Variants in MTSS1 observed in about 807,000 individuals in gnomAD.
MTSS1 encodes protein MTSS 1.
Under a neutral mutation model 79.0 loss-of-function variants are expected in MTSS1, and 18 were observed. The observed-to-expected ratio is 0.23, with a 90% CI of 0.16 to 0.34. The LOEUF (loss-of-function observed/expected upper bound fraction) is 0.34, where lower values mean the gene tolerates loss of function less well. Among genes scored for constraint, MTSS1 ranks in the 10% least tolerant of loss-of-function variants. MTSS1 has a pLI of 1.00. For synonymous variants in MTSS1, 341 were observed against 368.6 expected, an observed-to-expected ratio of 0.93 and a Z score of 0.86; for missense variants, 815 against 986.2, an observed-to-expected ratio of 0.83 and a Z score of 2.33.
rs1822564348 is a variant in MTSS1 at position 124,551,776 on chromosome 8, G to A, written c.*1216C>T. 1 of 152,424 alleles carries A rather than the reference G, an allele frequency of 6.6e-6. No homozygotes were observed. The highest frequency in any genetic ancestry group is 1.5e-5 in the Non-Finnish European group (1 of 68,042). The allele number at this position is 152,424 out of a possible 1,614,324, so 9.4% of individuals were successfully genotyped here. On this transcript the variant is annotated 3_prime_UTR_variant, in exon 14 of 14. Coordinates refer to ENST00000518547, the MANE Select transcript of MTSS1 (RefSeq NM_014751.6). ...TTACCCAGAATACAAAAAAAGGACA[G>A]TATAGTGGTCAGATTCCCAGTGACA...
At chr8:124,695,682 A>C (rs921790305) in intron 3 of MTSS1, among the ~76,000 whole-genome samples, 25 of 152,248 alleles carry the variant, frequency 1.6e-4, no homozygotes, top group African/African-American at 5.8e-4. Context: ...ACAGTGCTAC[A>C]TTCAGAAATT....
At chr8:124,717,177 C>A (rs141008873) in intron 1 of MTSS1, among the ~76,000 whole-genome samples, 1 of 152,100 alleles carries the variant, frequency 6.6e-6, no homozygotes, top group East Asian at 1.9e-4. Flanking sequence ...CTGCGAGGCC[C>A]GCCCCTAACC....
Position 124,567,784 on chromosome 8 carries a change from C to T in MTSS1, c.618+595G>A, listed in dbSNP as rs770790304. The T allele has an allele frequency of 1.6e-4, 247 of 1,528,908 alleles. 1 individual carries two copies. Among genetic ancestry groups the T allele is most frequent in the Non-Finnish European group, 2.0e-4 (224 of 1,143,406 alleles). The allele number at this position is 1,528,908 out of a possible 1,614,324, so 94.7% of individuals were successfully genotyped here. A position where few individuals can be genotyped will look rare whatever the true frequency, so the allele number is the denominator to read the frequency against. The stretch of plus-strand genomic sequence containing the variant: ...AAAAGTTCTGTGCTCAGGGGAACAA[C>T]TCAAATTCAGACATTTTGCTAGGGC... On this transcript the variant is annotated intron_variant, in intron 7 of 13. Transcript: ENST00000518547.
intron 3 of MTSS1, among the ~76,000 whole-genome samples, chr8:124,615,413 G>A (rs1190924786): frequency 6.6e-6 from 1 of 152,204 alleles, no homozygotes; most frequent in African/African-American, 2.4e-5. Flanking sequence ...TCCTGACACA[G>A]GCTCCAACAC....
At position 124,614,544 on chromosome 8, in the gene MTSS1, G is replaced by A. The variant is rs567083235; in HGVS notation, c.209-23309C>T. Among the ~76,000 whole-genome samples, 9 of 152,320 alleles carry A rather than the reference G, an allele frequency of 5.9e-5. No homozygotes were observed. In the East Asian group the frequency reaches 1.7e-3, roughly 29 times the overall value. On this transcript the variant is annotated intron_variant, in intron 3 of 13. Coordinates refer to ENST00000518547, the MANE Select transcript of MTSS1 (RefSeq NM_014751.6). The stretch of plus-strand genomic sequence containing the variant: ...GCAAAGGCCAACTTCACAAAGAGGC[G>A]CAGGATCCAGAAGACTATGCTTCAG...
intron 1 of MTSS1, among the ~76,000 whole-genome samples, chr8:124,726,728 C>T (rs762740384): frequency 4.1e-4 from 62 of 152,188 alleles, no homozygotes; most frequent in Admixed American, 2.1e-3. Context: ...GCCCAGGCAG[C>T]GGCTGAAGAG....
chr8:124,591,181 C>A lies in MTSS1; in HGVS notation c.263G>T (p.Ser88Ile). 1 of 1,614,252 alleles carries A rather than the reference C, an allele frequency of 6.2e-7. No individual in the cohort carries two copies. ...ALTRMCMRHR[S>I]IEAKLRQFSS... ...AAACTGCCTCAGCTTGGCTTCAATG[C>A]TTCTGTGCCTCATGCACATCCTGGT... The change falls in exon 4 of 14, where the codon AGC (serine) becomes ATC (isoleucine). Residue 88 changes from serine (S) to isoleucine (I), a missense_variant. Around this residue, in one of 2 missense-constraint regions of MTSS1, gnomAD observed 225 missense variants for 365.4 expected, o/e 0.62. Transcript: ENST00000518547.
At chr8:124,612,252 G>A (rs911797450) in intron 3 of MTSS1, among the ~76,000 whole-genome samples, 1 of 152,162 alleles carries the variant, frequency 6.6e-6, no homozygotes, top group African/African-American at 2.4e-5. Context: ...ACAAAGAGTG[G>A]GGCAATGGCA....
intron 3 of MTSS1, among the ~76,000 whole-genome samples, chr8:124,672,757 C>T (rs1191039853): frequency 3.3e-5 from 5 of 152,104 alleles, no homozygotes; most frequent in East Asian, 1.9e-4. Flanking sequence ...CTGCAGTGAG[C>T]TGAGATTGTG....
rs1563762018 is a variant in MTSS1, at chr8:124,565,944, C to CT, written c.727-186dup. 3 of 444,338 alleles carry CT rather than the reference C, an allele frequency of 6.8e-6. No individual in the cohort carries two copies. The South Asian group carries it at 1.3e-4, about 19-fold the overall frequency. 27.5% of individuals were successfully genotyped at this position (444,338 alleles called of 1,614,324 possible). A position where few individuals can be genotyped will look rare whatever the true frequency, so the allele number is the denominator to read the frequency against. ...TACCAAATCCATCAATATCATAATC[C>CT]TTTTACTGAGAAAGTAAAACTATAA... On this transcript the variant is annotated intron_variant, in intron 8 of 13. Coordinates refer to ENST00000518547, the MANE Select transcript of MTSS1 (RefSeq NM_014751.6).
At chr8:124,642,237 C>T (rs909850251) in intron 3 of MTSS1, among the ~76,000 whole-genome samples, 3 of 152,116 alleles carry the variant, frequency 2.0e-5, no homozygotes, top group Non-Finnish European at 2.9e-5. Context: ...AAATTGAAGG[C>T]TTTTTTTAAT....
chr8:124,722,792 G>A (rs1833137205), intron 1 of MTSS1, among the ~76,000 whole-genome samples: 1 of 152,094 alleles, frequency 6.6e-6, no homozygotes, highest in Non-Finnish European at 1.5e-5. Flanking sequence ...CTTTGTTTTT[G>A]CAGAGGTGTG....
chr8:124,694,640 C>T (rs4326369), intron 3 of MTSS1, among the ~76,000 whole-genome samples: 54,634 of 151,834 alleles, frequency 0.36, 10,569 homozygotes, highest in Non-Finnish European at 0.41. Flanking sequence ...TAGGTACTTA[C>T]CATCTTTTTC....
chr8:124,654,073 T>C (rs761789800), intron 3 of MTSS1, among the ~76,000 whole-genome samples: 1 of 152,166 alleles, frequency 6.6e-6, no homozygotes, highest in Non-Finnish European at 1.5e-5. Flanking sequence ...CGGATGCTTC[T>C]GGAAACGTCT....
At chr8:124,633,730 A>G (rs1816461936) in intron 3 of MTSS1, among the ~76,000 whole-genome samples, 1 of 151,898 alleles carries the variant, frequency 6.6e-6, no homozygotes, top group African/African-American at 2.4e-5. Flanking sequence ...AGATCACACC[A>G]CTGCACACTC....
At chr8:124,577,611 G>T (rs1829217817) in intron 6 of MTSS1, 7 of 518,964 alleles carry the variant, frequency 1.3e-5, no homozygotes, top group South Asian at 9.8e-5. Flanking sequence ...GGTCACAATA[G>T]GTCTAAGGGT....
chr8:124,645,415 T>G (rs1487636167), intron 3 of MTSS1, among the ~76,000 whole-genome samples: 1 of 152,152 alleles, frequency 6.6e-6, no homozygotes, highest in Non-Finnish European at 1.5e-5. Flanking sequence ...CAATTTTCAA[T>G]GTGTAGAAGA....
intron 3 of MTSS1, chr8:124,697,923 G>A (rs1178916233): frequency 2.6e-5 from 4 of 152,210 alleles, no homozygotes; most frequent in Non-Finnish European, 5.9e-5. Flanking sequence ...CCGGAAATGA[G>A]GAGAAATATT....
intron 3 of MTSS1, among the ~76,000 whole-genome samples, chr8:124,696,273 C>CA (rs1828802409): frequency 1.3e-5 from 2 of 152,252 alleles, no homozygotes; most frequent in Admixed American, 6.5e-5. Context: ...AGGTGTGAGC[C>CA]ACTGCGCCCA....
Sources: allele counts gnomAD v4.1 joint callset (sites outside exome capture counted in the v4.1 genomes callset), GRCh38; gene constraint gnomAD v4.1.1; regional missense constraint gnomAD v4.1.1; transcripts MANE v1.5; gene names NCBI Gene and HGNC (gene_info 2026-07-23, HGNC 2026-07-21).